PCDH10: variants seen among roughly 807,000 people sequenced by gnomAD.
The protein encoded by PCDH10 is protocadherin 10, also known as protocadherin-10.
Under a neutral mutation model 74.4 loss-of-function variants are expected in PCDH10, and 15 were observed. That is an observed-to-expected ratio of 0.20 (90% confidence interval 0.13 to 0.31). PCDH10 has a LOEUF of 0.31. Among genes scored for constraint, PCDH10 ranks in the 10% least tolerant of loss-of-function variants. PCDH10 has a pLI of 1.00. For synonymous variants in PCDH10, 619 were observed against 589.8 expected (o/e 1.05, Z -0.72); for missense variants, 1,260 against 1,390.2 (o/e 0.91, Z 1.49).
rs757994366 is a variant in PCDH10 at position 133,190,498 on chromosome 4, G to C, written c.*338G>C. On this transcript the variant is annotated 3_prime_UTR_variant, in exon 5 of 5. Coordinates refer to ENST00000264360, the MANE Select transcript of PCDH10 (RefSeq NM_032961.3). ...TTCACCACGAGAAGCCAGTCATAAAGATAAAGGAAATTTGTGCATTATAAA... is the reference window on the plus strand; with the variant it reads ...TTCACCACGAGAAGCCAGTCATAAACATAAAGGAAATTTGTGCATTATAAA... The C allele has an allele frequency of 2.3e-5, 6 of 264,160 alleles. No individual in the cohort carries two copies. The highest frequency in any genetic ancestry group is 3.6e-5 in the Non-Finnish European group (5 of 140,586). 16.4% of individuals were successfully genotyped at this position (264,160 alleles called of 1,614,324 possible).
downstream of PCDH10, among the ~76,000 whole-genome samples, chr4:133,199,329 T>TAATA (rs1560718830): frequency 2.4e-3 from 285 of 119,132 alleles, 1 homozygote; most frequent in African/African-American, 8.8e-3. Flanking sequence ...TAATAATAAT[T>TAATA]AATTAAATAG....
chr4:133,149,823 C>T lies in PCDH10; in HGVS notation c.-318C>T. On this transcript the variant is annotated 5_prime_UTR_variant, in exon 1 of 5. Transcript: ENST00000264360. ...ATTTCCTCTTTGGGATTTGCCAGCGCCAAGACTGTCGGAATAAAGGACGCT... is the reference window on the plus strand; with the variant it reads ...ATTTCCTCTTTGGGATTTGCCAGCGTCAAGACTGTCGGAATAAAGGACGCT... 4.7e-6 allele frequency: 1 copy of T among 212,836 alleles called. No homozygotes were observed. The highest frequency in any genetic ancestry group is 9.2e-6 in the Non-Finnish European group (1 of 108,194). 13.2% of individuals were successfully genotyped at this position (212,836 alleles called of 1,614,324 possible).
intron 3 of PCDH10, among the ~76,000 whole-genome samples, chr4:133,158,593 TTTGA>T (rs1726909286): frequency 6.6e-6 from 1 of 152,136 alleles, no homozygotes; most frequent in Non-Finnish European, 1.5e-5. Context: ...AATAAAGTGA[TTTGA>T]TTGGTCAATA....
chr4:133,198,537 G>A (rs1727838672), downstream of PCDH10, among the ~76,000 whole-genome samples: 1 of 152,102 alleles, frequency 6.6e-6, no homozygotes, highest in Non-Finnish European at 1.5e-5. Context: ...TGCTTACGTT[G>A]CTTCCATTGC....
At chr4:133,153,889 C>T (rs1726802077) in intron 1 of PCDH10, 1 of 162,204 alleles carries the variant, frequency 6.2e-6, no homozygotes. Flanking sequence ...AATATCCAAA[C>T]TTTTTGCTTA....
chr4:133,197,900 G>T (rs536024480), downstream of PCDH10, among the ~76,000 whole-genome samples: 27 of 151,712 alleles, frequency 1.8e-4, no homozygotes, highest in African/African-American at 6.5e-4. Context: ...ATTCTCAGTT[G>T]TGTTTCCTAA....
chr4:133,198,376 T>C (rs1727834932), downstream of PCDH10, among the ~76,000 whole-genome samples: 1 of 152,094 alleles, frequency 6.6e-6, no homozygotes, highest in South Asian at 2.1e-4. Context: ...AGGAAAAAAG[T>C]AATGAAAACA....
intron 4 of PCDH10, 123 bp from the exon 5 acceptor site, chr4:133,190,018 C>CTAG: frequency 1.3e-6 from 1 of 775,336 alleles, no homozygotes; most frequent in South Asian, 1.5e-5. Flanking sequence ...TTTGACACTA[C>CTAG]ATGTGTTTGG....
At chr4:133,163,839 T>G (rs1406340813) in intron 4 of PCDH10, 1 of 416,346 alleles carries the variant, frequency 2.4e-6, no homozygotes, top group Non-Finnish European at 4.7e-6. Flanking sequence ...TCATTTCTTT[T>G]ATGACTGATG....
chr4:133,166,444 A>G (rs1228917817), intron 4 of PCDH10, among the ~76,000 whole-genome samples: 1 of 151,542 alleles, frequency 6.6e-6, no homozygotes, highest in East Asian at 1.9e-4. Context: ...GGATTTGTTT[A>G]GAATCAGACA....
At chr4:133,172,494 G>A (rs1490571269) in intron 4 of PCDH10, among the ~76,000 whole-genome samples, 1 of 151,788 alleles carries the variant, frequency 6.6e-6, no homozygotes, top group Non-Finnish European at 1.5e-5. Context: ...CTCAAGAAAT[G>A]TTTACAAAAT....
In PCDH10 at chr4:133,150,200, T is replaced by C; in HGVS notation, c.60T>C (p.Leu20=). ...LWMVEGVFSQ[L]HYTVQEEQEH... Reference sequence around the variant, plus strand: ...TGGTGGAAGGAGTCTTTTCCCAGCTTCACTACACGGTACAGGAGGAGCAGG... The same window carrying C: ...TGGTGGAAGGAGTCTTTTCCCAGCTCCACTACACGGTACAGGAGGAGCAGG... The change falls in exon 1 of 5, where the codon CTT becomes CTC. Residue 20 remains leucine, a synonymous_variant. Transcript: ENST00000264360. 1 of 1,609,582 alleles carries C rather than the reference T, an allele frequency of 6.2e-7. No homozygotes were observed. The highest frequency in any genetic ancestry group is 1.1e-5 in the South Asian group (1 of 90,304).
Position 133,183,950 on chromosome 4 carries a change from G to A in PCDH10, c.3104-6191G>A, listed in dbSNP as rs545917474. 8.6e-5 allele frequency among the ~76,000 whole-genome samples: 13 copies of A among 151,826 alleles called. No individual in the cohort carries two copies. In the East Asian group the frequency reaches 1.7e-3, roughly 20 times the overall value. Reference sequence around the variant, plus strand: ...TTTCTGTTTCACAAAACTGTTTGCCGATTTCTTATTTTTAAATATCCCTGG... The same window carrying A: ...TTTCTGTTTCACAAAACTGTTTGCCAATTTCTTATTTTTAAATATCCCTGG... On this transcript the variant is annotated intron_variant, in intron 4 of 4. Coordinates refer to ENST00000264360, the MANE Select transcript of PCDH10 (RefSeq NM_032961.3).
chr4:133,162,198 G>C (rs1168364100), intron 3 of PCDH10, among the ~76,000 whole-genome samples: 1 of 152,122 alleles, frequency 6.6e-6, no homozygotes, highest in African/African-American at 2.4e-5. Context: ...TAACGTATTT[G>C]TCAATAGTAT....
chr4:133,199,201 T>C (rs1727851922), downstream of PCDH10, among the ~76,000 whole-genome samples: 1 of 151,268 alleles, frequency 6.6e-6, no homozygotes, highest in Non-Finnish European at 1.5e-5. Context: ...AGTGGGAGGA[T>C]CACTTGAGCT....
intron 4 of PCDH10, among the ~76,000 whole-genome samples, 194 bp downstream of exon 4, chr4:133,163,476 A>G (rs937625508): frequency 2.0e-5 from 3 of 152,150 alleles, no homozygotes; most frequent in African/African-American, 7.2e-5. Flanking sequence ...AGACATTAAT[A>G]ATTGCACTGA....
chr4:133,199,763 T>TTATTAG (rs1298837378), intron 2 of PCDH10, among the ~76,000 whole-genome samples: 1 of 140,682 alleles, frequency 7.1e-6, no homozygotes, highest in Non-Finnish European at 1.5e-5. Flanking sequence ...TTGTTTTTAA[T>TTATTAG]TATTATTATT....
Position 133,149,864 on chromosome 4 carries a change from G to C in PCDH10, c.-277G>C. 3.1e-6 allele frequency: 1 copy of C among 319,486 alleles called. No homozygotes were observed. Among genetic ancestry groups the C allele is most frequent in the Non-Finnish European group, 5.7e-6 (1 of 175,494 alleles). The allele number at this position is 319,486 out of a possible 1,614,324, so 19.8% of individuals were successfully genotyped here. On this transcript the variant is annotated 5_prime_UTR_variant, in exon 1 of 5. Transcript: ENST00000264360. ...AAAGGACGCTGACTATTGTATTATT[G>C]TTATTTTATTAATTAGTCAGTGGAA...
intron 4 of PCDH10, among the ~76,000 whole-genome samples, chr4:133,171,301 T>C (rs1050885295): frequency 2.0e-5 from 3 of 152,170 alleles, no homozygotes; most frequent in African/African-American, 7.2e-5. Flanking sequence ...ATATTTGGGC[T>C]GAAAATTACC....
Sources: gnomAD v4.1 joint callset for allele counts (sites outside exome capture counted in the v4.1 genomes callset) on GRCh38, gnomAD v4.1.1 for gene constraint, MANE v1.5 for transcripts, NCBI Gene and HGNC (gene_info 2026-07-23, HGNC 2026-07-21) for gene names.